Variants in LRRTM4 observed in about 807,000 individuals in gnomAD.
LRRTM4 encodes leucine rich repeat transmembrane neuronal 4.
Under a neutral mutation model 47.6 loss-of-function variants are expected in LRRTM4, and 25 were observed. The ratio of observed to expected loss-of-function variants is 0.53; its 90% CI spans 0.38 to 0.73. The LOEUF is 0.73. LRRTM4 is among the 30% of genes least tolerant of loss of function. The pLI, the probability that LRRTM4 is intolerant of heterozygous loss-of-function variation, is 0.00. For synonymous variants in LRRTM4, 311 were observed against 269.5 expected, an observed-to-expected ratio of 1.15 and a Z score of -1.51; for missense variants, 638 against 713.4, an observed-to-expected ratio of 0.89 and a Z score of 1.20.
At chr2:77,365,355 C>A (rs916629868) in intron 3 of LRRTM4, among the ~76,000 whole-genome samples, 1 of 151,976 alleles carries the variant, frequency 6.6e-6, no homozygotes, top group African/African-American at 2.4e-5. Context: ...TGTTCCAGCT[C>A]TGTGAAACAC....
chr2:77,213,777 C>A (rs912307952), intron 3 of LRRTM4, among the ~76,000 whole-genome samples: 1 of 152,012 alleles, frequency 6.6e-6, no homozygotes, highest in Non-Finnish European at 1.5e-5. Flanking sequence ...TTCAGAGATG[C>A]TAGAGAGACT....
chr2:76,778,811 T>A (rs377202920), intron 3 of LRRTM4, among the ~76,000 whole-genome samples: 8,389 of 150,766 alleles, frequency 0.056, 348 homozygotes, highest in African/African-American at 0.11. Flanking sequence ...AGCTTTTGAA[T>A]GTGTTTGCTC....
In LRRTM4 at chr2:76,812,700, C is replaced by T. The variant is rs9711752; in HGVS notation, c.1552-63784G>A. Among the ~76,000 whole-genome samples the T allele has an allele frequency of 2.8e-3, 380 of 135,408 alleles. 3 individuals are homozygous for T. The highest frequency in any genetic ancestry group is 8.4e-3 in the Middle Eastern group (2 of 238). 88.8% of individuals were successfully genotyped at this position (135,408 alleles called of 152,430 possible). The stretch of plus-strand genomic sequence containing the variant: ...CTTTCTTTCTTTCTTTCTTTCTTTT[C>T]TTTCTTTATTTCTTTTTCTTTCTCT... On this transcript the variant is annotated intron_variant, in intron 3 of 3. Transcript: ENST00000409884.
At chr2:76,840,381 T>C (rs1671637088) in intron 3 of LRRTM4, among the ~76,000 whole-genome samples, 1 of 152,250 alleles carries the variant, frequency 6.6e-6, no homozygotes, top group Admixed American at 6.5e-5. Context: ...ACAGAGCTGT[T>C]CTTTCCCTTC....
At chr2:77,039,338 T>C (rs1423814680) in intron 3 of LRRTM4, among the ~76,000 whole-genome samples, 1 of 150,676 alleles carries the variant, frequency 6.6e-6, no homozygotes, top group African/African-American at 2.4e-5. Flanking sequence ...TTTTTTTTTT[T>C]TAAATGAAGG....
intron 3 of LRRTM4, among the ~76,000 whole-genome samples, chr2:77,413,087 C>T (rs1359099310): frequency 1.3e-5 from 2 of 152,136 alleles, no homozygotes; most frequent in South Asian, 4.1e-4. Flanking sequence ...GGGTGATTTG[C>T]TCCCATGTGC....
intron 3 of LRRTM4, among the ~76,000 whole-genome samples, chr2:76,784,843 A>C (rs1299936311): frequency 6.6e-6 from 1 of 150,480 alleles, no homozygotes; most frequent in Non-Finnish European, 1.5e-5. Context: ...CTTAAAGGAA[A>C]CTAACTGTTC....
chr2:76,766,628 T>C (rs1673466906), intron 3 of LRRTM4, among the ~76,000 whole-genome samples: 1 of 152,218 alleles, frequency 6.6e-6, no homozygotes, highest in South Asian at 2.1e-4. Context: ...AGGCACCCAG[T>C]GCCAATAGGA....
rs1268238907 is a variant in LRRTM4, at chr2:77,090,778, C to A, written c.1552-341862G>T. Among the ~76,000 whole-genome samples, 6 of 152,176 alleles carry A rather than the reference C, an allele frequency of 3.9e-5. 1 individual carries two copies. In the South Asian group the frequency reaches 1.0e-3, roughly 26 times the overall value. On this transcript the variant is annotated intron_variant, in intron 3 of 3. Coordinates refer to ENST00000409884, the MANE Select transcript of LRRTM4 (RefSeq NM_001134745.3). ...GTTCAACTTACCTGGCAGCCACTCCCAGAGCCCCTGGAACTCTGGCCCAAG... is the reference window on the plus strand; with the variant it reads ...GTTCAACTTACCTGGCAGCCACTCCAAGAGCCCCTGGAACTCTGGCCCAAG...
In LRRTM4 at chr2:76,820,576, T is replaced by A. The variant is rs548289577; in HGVS notation, c.1552-71660A>T. 1.3e-4 allele frequency among the ~76,000 whole-genome samples: 20 copies of A among 151,958 alleles called. 1 individual carries two copies. The South Asian group carries it at 2.3e-3, about 17-fold the overall frequency. On this transcript the variant is annotated intron_variant, in intron 3 of 3. Coordinates refer to ENST00000409884, the MANE Select transcript of LRRTM4 (RefSeq NM_001134745.3). ...AAAAAATGATGGATTCAGTTTTAGA[T>A]ATGTTGTTAATCTTGAAGGAATTAG...
chr2:77,098,490 C>T (rs1670867877), intron 3 of LRRTM4, among the ~76,000 whole-genome samples: 1 of 151,802 alleles, frequency 6.6e-6, no homozygotes, highest in African/African-American at 2.4e-5. Context: ...CTACTAGAGA[C>T]AAAATTTATA....
At chr2:76,862,733 G>C (rs529377825) in intron 3 of LRRTM4, among the ~76,000 whole-genome samples, 1 of 152,314 alleles carries the variant, frequency 6.6e-6, no homozygotes, top group East Asian at 1.9e-4. Context: ...TGTTAAACTG[G>C]ATTTTGTTGA....
In LRRTM4 at chr2:77,039,774, TC is replaced by T. The variant is rs1558543356; in HGVS notation, c.1552-290859del. ...TATTATTTGATTCTTTAAATTTTTGTCTTTTTCTTTATATAAAACCAAAAAT... is the reference window on the plus strand; with the variant it reads ...TATTATTTGATTCTTTAAATTTTTGTTTTTTCTTTATATAAAACCAAAAAT... On this transcript the variant is annotated intron_variant, in intron 3 of 3. Coordinates refer to ENST00000409884, the MANE Select transcript of LRRTM4 (RefSeq NM_001134745.3). 5.9e-5 allele frequency among the ~76,000 whole-genome samples: 9 copies of T among 151,354 alleles called. No homozygotes were observed. In the South Asian group the frequency reaches 1.7e-3, roughly 28 times the overall value.
At chr2:76,767,312 C>T (rs1442494352) in intron 3 of LRRTM4, among the ~76,000 whole-genome samples, 1 of 152,080 alleles carries the variant, frequency 6.6e-6, no homozygotes, top group Non-Finnish European at 1.5e-5. Flanking sequence ...GTACTAATTG[C>T]TAACATTTAT....
chr2:76,797,148 C>T (rs1675380912), intron 3 of LRRTM4, among the ~76,000 whole-genome samples: 1 of 152,088 alleles, frequency 6.6e-6, no homozygotes, highest in African/African-American at 2.4e-5. Context: ...AGAGCTACTC[C>T]AATACACACA....
In LRRTM4 at chr2:76,892,804, C is replaced by T. The variant is rs572711914; in HGVS notation, c.1552-143888G>A. 3.3e-5 allele frequency among the ~76,000 whole-genome samples: 5 copies of T among 151,734 alleles called. No homozygotes were observed. In the South Asian group the frequency reaches 6.2e-4, roughly 19 times the overall value. The stretch of plus-strand genomic sequence containing the variant: ...AATGAAGTATGTATCATTTCCCAAA[C>T]ACATTTATTTCCTGAGCCACTTTTC... On this transcript the variant is annotated intron_variant, in intron 3 of 3. Transcript: ENST00000409884.
chr2:76,963,571 T>G (rs1452698642), intron 3 of LRRTM4, among the ~76,000 whole-genome samples: 2 of 150,958 alleles, frequency 1.3e-5, no homozygotes, highest in African/African-American at 4.8e-5. Flanking sequence ...TCCTTGAGAA[T>G]GAAAACACAT....
chr2:77,065,610 G>A (rs1389967349), intron 3 of LRRTM4, among the ~76,000 whole-genome samples: 2 of 152,108 alleles, frequency 1.3e-5, no homozygotes, highest in African/African-American at 4.8e-5. Flanking sequence ...GAAATTTCAT[G>A]TAATACTGAG....
intron 3 of LRRTM4, among the ~76,000 whole-genome samples, chr2:76,831,346 C>T (rs567828623): frequency 3.7e-4 from 57 of 152,182 alleles, no homozygotes; most frequent in South Asian, 1.4e-3. Flanking sequence ...CGTGTGCACA[C>T]GCTCGCATTT....
Sources: gnomAD v4.1 joint callset for allele counts (sites outside exome capture counted in the v4.1 genomes callset) on GRCh38, gnomAD v4.1.1 for gene constraint, MANE v1.5 for transcripts, NCBI Gene and HGNC (gene_info 2026-07-23, HGNC 2026-07-21) for gene names.